Variants in RARA observed in about 807,000 individuals in gnomAD.
The protein encoded by RARA is PML-DDX5-RARA fusion.
Under a neutral mutation model 42.8 loss-of-function variants are expected in RARA, and 5 were observed. That is an observed-to-expected ratio of 0.12 (90% CI 0.06 to 0.25). RARA has a LOEUF of 0.25. Ranked by LOEUF, RARA falls within the 10% of genes least tolerant of loss-of-function variation. The pLI, the probability that RARA is intolerant of heterozygous loss-of-function variation, is 1.00. For synonymous variants in RARA, 256 were observed against 259.5 expected (o/e 0.99, Z 0.13); for missense variants, 402 against 628.7 (o/e 0.64, Z 3.86).
In RARA at chr17:40,357,153, C is replaced by T. The variant is rs891398413; in HGVS notation, c.*927C>T. The T allele has an allele frequency of 7.9e-5, 19 of 239,092 alleles. No homozygotes were observed. In the South Asian group the frequency reaches 2.1e-3, roughly 26 times the overall value. 14.8% of individuals were successfully genotyped at this position (239,092 alleles called of 1,614,324 possible). A position where few individuals can be genotyped will look rare whatever the true frequency, so the allele number is the denominator to read the frequency against. On this transcript the variant is annotated 3_prime_UTR_variant, in exon 9 of 9. Transcript: ENST00000254066. ...ATGGAGCAGGGCAGAGCAAGGGCCC[C>T]GGGACAGAGTTTTCCCAGACCTGGC...
chr17:40,339,633 C>A (rs2033966018), intron 2 of RARA, among the ~76,000 whole-genome samples: 1 of 152,196 alleles, frequency 6.6e-6, no homozygotes, highest in South Asian at 2.1e-4. Flanking sequence ...TCCCAGAAAT[C>A]TTCACAGATG....
chr17:40,324,091 G>T (rs2033470292), intron 1 of RARA, among the ~76,000 whole-genome samples: 2 of 152,112 alleles, frequency 1.3e-5, no homozygotes, highest in South Asian at 2.1e-4. Flanking sequence ...TGGAGGGGAG[G>T]TAGTGGTGAG....
intron 1 of RARA, among the ~76,000 whole-genome samples, chr17:40,328,642 T>G (rs1567750084): frequency 6.6e-6 from 1 of 152,186 alleles, no homozygotes; most frequent in African/African-American, 2.4e-5. Flanking sequence ...TCTGTCTCTA[T>G]AAATGTGCCT....
Position 40,356,335 on chromosome 17 carries a change from C to A in RARA, c.*109C>A. ...CCCTGCCCCCACCTGCCCTCCCGGG[C>A]AGTACTGGGGACCTTCCCTGGGGGA... is the stretch of plus-strand genomic sequence containing the variant. On this transcript the variant is annotated 3_prime_UTR_variant, in exon 9 of 9. Coordinates refer to ENST00000254066, the MANE Select transcript of RARA (RefSeq NM_000964.4). The A allele has an allele frequency of 8.1e-7, 1 of 1,240,720 alleles. No individual in the cohort carries two copies. Among genetic ancestry groups the A allele is most frequent in the Non-Finnish European group, 1.1e-6 (1 of 874,670 alleles). The allele number at this position is 1,240,720 out of a possible 1,614,324, so 76.9% of individuals were successfully genotyped here.
chr17:40,321,891 G>C (rs2033398781), intron 1 of RARA, among the ~76,000 whole-genome samples: 1 of 152,176 alleles, frequency 6.6e-6, no homozygotes, highest in African/African-American at 2.4e-5. Flanking sequence ...GCCACTCCAA[G>C]TGTCAACCTG....
chr17:40,348,580 C>T, intron 3 of RARA, 116 bp downstream of exon 3: 1 of 1,363,092 alleles, frequency 7.3e-7, no homozygotes, highest in Non-Finnish European at 9.7e-7. Flanking sequence ...GCTCTTCTTT[C>T]TCTGTGGAAG....
At chr17:40,343,076 C>T (rs1386659364) in intron 2 of RARA, 4 of 973,678 alleles carry the variant, frequency 4.1e-6, no homozygotes, top group East Asian at 3.2e-5. Flanking sequence ...TAGATTAGGG[C>T]TGAGGAACTT....
chr17:40,349,912 C>T lies in RARA; in HGVS notation c.456C>T (p.Gly152=), dbSNP rs2034387730. 1 of 1,614,012 alleles carries T rather than the reference C, an allele frequency of 6.2e-7. No homozygotes were observed. The highest frequency in any genetic ancestry group is 8.5e-7 in the Non-Finnish European group (1 of 1,179,970). Residue 152 remains glycine (G), a synonymous_variant, in exon 4 of 9, where the codon GGC becomes GGT. Transcript: ENST00000254066. The stretch of plus-strand genomic sequence containing the variant: ...GACTGCAGAAGTGCTTTGAAGTGGG[C>T]ATGTCCAAGGAGTGTGAGTGCCATA... ...YCRLQKCFEV[G]MSKESVRNDR...
At chr17:40,341,497 C>G (rs1352222960) in intron 2 of RARA, 2 of 1,491,458 alleles carry the variant, frequency 1.3e-6, no homozygotes, top group African/African-American at 2.9e-5. Flanking sequence ...CGACCCGGCC[C>G]TACGCCTCCT....
chr17:40,341,647 C>T (rs2034047861), intron 2 of RARA: 2 of 1,344,818 alleles, frequency 1.5e-6, no homozygotes, highest in Non-Finnish European at 1.9e-6. Context: ...GAGGCGCCGC[C>T]AGGCGAGTTC....
intron 1 of RARA, among the ~76,000 whole-genome samples, chr17:40,317,571 TGAG>T (rs1228647426): frequency 5.6e-5 from 8 of 143,390 alleles, no homozygotes; most frequent in Admixed American, 5.5e-4. Context: ...TCTTGCCCTT[TGAG>T]GAGAAGAGTA....
At chr17:40,309,701 C>T (rs139915554) in intron 1 of RARA, among the ~76,000 whole-genome samples, 1 of 152,314 alleles carries the variant, frequency 6.6e-6, no homozygotes, top group African/African-American at 2.4e-5. Context: ...GGATTTCTTT[C>T]TTGCTTCCTC....
rs1463447146 is a variant in RARA, at chr17:40,320,609, A to T, written c.-362-10248A>T. Among the ~76,000 whole-genome samples the T allele has an allele frequency of 6.6e-6, 1 of 152,186 alleles. No homozygotes were observed. The highest frequency in any genetic ancestry group is 1.9e-4 in the East Asian group (1 of 5,204). On this transcript the variant is annotated intron_variant, in intron 1 of 8. Transcript: ENST00000254066. This position sits in a 1 kb window ranked among gnomAD's most constrained non-coding sequence, Gnocchi z 4.1. ...CACTCCTTGCTCAGACTCCAGTCTC[A>T]GGTGGGATGGTCCTCAGAACCGTGT...
intron 2 of RARA, chr17:40,341,476 T>C: frequency 6.6e-7 from 1 of 1,507,490 alleles, no homozygotes; most frequent in Non-Finnish European, 8.9e-7. Context: ...TGCCAAACAC[T>C]TGGCCCCGCG....
intron 1 of RARA, among the ~76,000 whole-genome samples, chr17:40,316,439 T>C (rs1250332552): frequency 1.3e-5 from 2 of 152,248 alleles, no homozygotes; most frequent in African/African-American, 4.8e-5. Flanking sequence ...AATGCATTTG[T>C]ACCAGGATGC....
At position 40,351,978 on chromosome 17, in the gene RARA, C is replaced by A; in HGVS notation, c.538C>A (p.Leu180Met). ...PKPECSESYT[L>M]TPEVGELIEK... ...GCCCGAGTGCTCTGAGAGCTACACG[C>A]TGACGCCGGAGGTGGGGGAGCTCAT... Residue 180 changes from leucine to methionine, a missense_variant, in exon 5 of 9, where the codon CTG (leucine) becomes ATG (methionine). Leu to Met is a conservative substitution (Grantham distance 15, BLOSUM62 2). Transcript: ENST00000254066. The surrounding 1 kb of genome is among the most constrained non-coding windows in gnomAD (Gnocchi z 4.1). 1 of 1,607,922 alleles carries A rather than the reference C, an allele frequency of 6.2e-7. No individual in the cohort carries two copies. The highest frequency in any genetic ancestry group is 8.5e-7 in the Non-Finnish European group (1 of 1,178,102).
chr17:40,331,573 T>C (rs890904484), intron 2 of RARA, among the ~76,000 whole-genome samples, 177 bp downstream of exon 2: 2 of 152,148 alleles, frequency 1.3e-5, no homozygotes, highest in Non-Finnish European at 2.9e-5. Context: ...CTATGGCCTA[T>C]AGGCTGATCA....
chr17:40,348,625 C>A, intron 3 of RARA, 161 bp downstream of exon 3: 1 of 876,918 alleles, frequency 1.1e-6, no homozygotes, highest in Non-Finnish European at 1.6e-6. Flanking sequence ...CACAGTTTCC[C>A]CACAGGTCCT....
chr17:40,315,900 C>T (rs2033203998), intron 1 of RARA, among the ~76,000 whole-genome samples: 2 of 152,120 alleles, frequency 1.3e-5, no homozygotes, highest in Non-Finnish European at 2.9e-5. Flanking sequence ...TAGAGTGAGG[C>T]GCCCCGAGCC....
Sources: allele counts gnomAD v4.1 joint callset (sites outside exome capture counted in the v4.1 genomes callset), GRCh38; gene constraint gnomAD v4.1.1; non-coding constraint Gnocchi (gnomAD v3.1); transcripts MANE v1.5; gene names NCBI Gene and HGNC (gene_info 2026-07-23, HGNC 2026-07-21).